The following RASAL2 variants were observed in gnomAD, a reference collection of about 807,000 sequenced individuals.
RASAL2 encodes the protein ras GTPase-activating protein nGAP.
RASAL2 carries 58 observed loss-of-function variants against 128.9 expected under a neutral mutation model. The ratio of observed to expected loss-of-function variants is 0.45; its 90% CI spans 0.36 to 0.56. The LOEUF is 0.56. Ranked by LOEUF, RASAL2 falls within the 20% of genes least tolerant of loss-of-function variation. RASAL2 has a pLI of 0.00. For synonymous variants in RASAL2, 561 were observed against 580.8 expected, an observed-to-expected ratio of 0.97 and a Z score of 0.49; for missense variants, 1,360 against 1,601.6, an observed-to-expected ratio of 0.85 and a Z score of 2.57.
At chr1:178,143,415 A>G (rs911843817) in intron 1 of RASAL2, among the ~76,000 whole-genome samples, 2 of 151,976 alleles carry the variant, frequency 1.3e-5, no homozygotes, top group Admixed American at 1.3e-4. Context: ...GGTGTTTTTT[A>G]TTCAGGCCTT....
intron 1 of RASAL2, among the ~76,000 whole-genome samples, chr1:178,200,544 A>G (rs781544935): frequency 1.3e-5 from 2 of 152,210 alleles, no homozygotes; most frequent in Non-Finnish European, 2.9e-5. Flanking sequence ...AGAAGCAGAT[A>G]CTGAGCCTCA....
At chr1:178,141,320 C>G (rs1486983273) in intron 1 of RASAL2, among the ~76,000 whole-genome samples, 1 of 146,314 alleles carries the variant, frequency 6.8e-6, no homozygotes, top group African/African-American at 2.5e-5. Flanking sequence ...GGGTTTATAT[C>G]CCAATCATTG....
rs1667449513 is a variant in RASAL2, at chr1:178,295,399, G to A, written c.331-4593G>A. On this transcript the variant is annotated intron_variant, in intron 2 of 17. Coordinates refer to ENST00000367649, the MANE Select transcript of RASAL2 (RefSeq NM_170692.4). Reference sequence around the variant, plus strand: ...CACCCCCCAGCAGGCCCTGGTGTCTGTTGTTCACCTCTCTGTGTCCATGTG... The same window carrying A: ...CACCCCCCAGCAGGCCCTGGTGTCTATTGTTCACCTCTCTGTGTCCATGTG... Among the ~76,000 whole-genome samples the A allele has an allele frequency of 2.0e-5, 3 of 151,586 alleles. No homozygotes were observed. In the South Asian group the frequency reaches 6.3e-4, roughly 32 times the overall value.
chr1:178,148,460 A>ATTTT (rs1660803459), intron 1 of RASAL2, among the ~76,000 whole-genome samples: 2 of 151,748 alleles, frequency 1.3e-5, no homozygotes, highest in African/African-American at 4.8e-5. Context: ...TTATTTATTT[A>ATTTT]TTTTTTGAGA....
intron 2 of RASAL2, among the ~76,000 whole-genome samples, chr1:178,293,141 T>C (rs1205795555): frequency 6.6e-6 from 1 of 152,184 alleles, no homozygotes; most frequent in Non-Finnish European, 1.5e-5. Flanking sequence ...TGTTAGGAGT[T>C]ACAAAGCACA....
intron 1 of RASAL2, among the ~76,000 whole-genome samples, chr1:178,277,844 G>A (rs538040442): frequency 6.6e-6 from 1 of 152,242 alleles, no homozygotes; most frequent in Admixed American, 6.5e-5. Context: ...AAACATTAGA[G>A]TTTGTATTAA....
At chr1:178,278,399 T>G (rs554653437) in intron 1 of RASAL2, among the ~76,000 whole-genome samples, 1 of 152,186 alleles carries the variant, frequency 6.6e-6, no homozygotes, top group African/African-American at 2.4e-5. Flanking sequence ...TTTGTGCCTA[T>G]AGCCTGAAAA....
intron 3 of RASAL2, among the ~76,000 whole-genome samples, chr1:178,303,461 T>TA (rs764645692): frequency 2.8e-4 from 40 of 141,000 alleles, no homozygotes; most frequent in South Asian, 4.7e-4. Flanking sequence ...CTGATGAGCT[T>TA]AAAAAAAAAA....
chr1:178,102,013 G>A (rs1658918508), intron 1 of RASAL2, among the ~76,000 whole-genome samples: 2 of 115,522 alleles, frequency 1.7e-5, no homozygotes, highest in South Asian at 7.1e-4. Flanking sequence ...TAGACCAGAG[G>A]ACAGATGAGA....
At chr1:178,373,191 T>A (rs1225808316) in intron 3 of RASAL2, among the ~76,000 whole-genome samples, 1 of 150,618 alleles carries the variant, frequency 6.6e-6, no homozygotes, top group Non-Finnish European at 1.5e-5. Flanking sequence ...AAGTTATCTC[T>A]ACTATTATTT....
Position 178,473,541 on chromosome 1 carries a change from A to G in RASAL2, c.*302A>G, listed in dbSNP as rs1021639594. ...GTAGATTACCTTTTTGATTATTGCT[A>G]TTTTTATTATTGTTTTCCTCTTGTT... On this transcript the variant is annotated 3_prime_UTR_variant, in exon 18 of 18. Transcript: ENST00000367649. 12 of 369,104 alleles carry G rather than the reference A, an allele frequency of 3.3e-5. No individual in the cohort carries two copies. The highest frequency in any genetic ancestry group is 5.9e-5 in the Non-Finnish European group (12 of 203,178). The allele number at this position is 369,104 out of a possible 1,614,324, so 22.9% of individuals were successfully genotyped here.
chr1:178,458,525 A>G lies in RASAL2; in HGVS notation c.3233A>G (p.Gln1078Arg). The change falls in exon 14 of 18, where the codon CAG (glutamine) becomes CGG (arginine). Residue 1078 changes from glutamine to arginine, a missense_variant. By Grantham distance (43) the Gln-to-Arg change is conservative (BLOSUM62 1). Transcript: ENST00000367649. ...CCTGTTCCCAAAGTTAGAGCAATCC[A>G]GAGACAACAGACACAGCAGGTAGGT... ...ESPVPKVRAI[Q>R]RQQTQQVQSP... 1.2e-6 allele frequency: 2 copies of G among 1,611,168 alleles called. No homozygotes were observed. Among genetic ancestry groups the G allele is most frequent in the Non-Finnish European group, 1.7e-6 (2 of 1,178,572 alleles).
At chr1:178,438,396 T>C (rs898162778) in intron 5 of RASAL2, among the ~76,000 whole-genome samples, 3 of 152,018 alleles carry the variant, frequency 2.0e-5, no homozygotes, top group Non-Finnish European at 4.4e-5. Context: ...AACAATTGTC[T>C]TTACACAAGG....
At chr1:178,434,479 C>A (rs1295480237) in intron 5 of RASAL2, among the ~76,000 whole-genome samples, 3 of 152,134 alleles carry the variant, frequency 2.0e-5, no homozygotes, top group African/African-American at 7.2e-5. Flanking sequence ...CCTTCTTCAT[C>A]ATTACCAGCT....
At chr1:178,133,334 A>G (rs1315648836) in intron 1 of RASAL2, among the ~76,000 whole-genome samples, 1 of 152,154 alleles carries the variant, frequency 6.6e-6, no homozygotes, top group Non-Finnish European at 1.5e-5. Context: ...CTGCCTTTCC[A>G]TGATCACTTT....
At chr1:178,187,479 A>C (rs1030117980) in intron 1 of RASAL2, among the ~76,000 whole-genome samples, 12 of 152,086 alleles carry the variant, frequency 7.9e-5, no homozygotes, top group African/African-American at 2.7e-4. Context: ...CATGTCTGTC[A>C]TTTCAGTAGG....
intron 3 of RASAL2, among the ~76,000 whole-genome samples, chr1:178,353,193 A>AATT (rs1670610839): frequency 6.6e-6 from 1 of 152,128 alleles, no homozygotes; most frequent in Non-Finnish European, 1.5e-5. Flanking sequence ...TCAAGCTTTT[A>AATT]CTGTCCATTT....
chr1:178,395,905 A>G (rs754641577), intron 4 of RASAL2, among the ~76,000 whole-genome samples: 44 of 151,756 alleles, frequency 2.9e-4, no homozygotes, highest in Middle Eastern at 6.8e-3. Context: ...TCAGAAAACT[A>G]TAGCCTGTAG....
chr1:178,231,003 C>T (rs779340553), intron 1 of RASAL2, among the ~76,000 whole-genome samples: 1 of 152,126 alleles, frequency 6.6e-6, no homozygotes, highest in African/African-American at 2.4e-5. Context: ...GGTCATATAC[C>T]AGTTAAACTC....
Sources: allele counts gnomAD v4.1 joint callset (sites outside exome capture counted in the v4.1 genomes callset), GRCh38; gene constraint gnomAD v4.1.1; transcripts MANE v1.5; gene names NCBI Gene and HGNC (gene_info 2026-07-23, HGNC 2026-07-21).